COL8A1: variants seen among roughly 807,000 people sequenced by gnomAD.
COL8A1 encodes collagen type VIII alpha 1 chain, also known as collagen alpha-1(VIII) chain.
A neutral mutation model predicts 42.7 loss-of-function variants in COL8A1; 21 were observed. The observed-to-expected ratio is 0.49, with a 90% confidence interval of 0.35 to 0.71. The LOEUF (loss-of-function observed/expected upper bound fraction) is 0.71, where lower values mean the gene tolerates loss of function less well. Ranked by LOEUF, COL8A1 falls within the 30% of genes least tolerant of loss-of-function variation. The pLI, the probability that COL8A1 is intolerant of heterozygous loss-of-function variation, is 0.01. For missense variants in COL8A1, 788 were observed against 962.4 expected (o/e 0.82, Z 2.40); for synonymous variants, 367 against 369.1 (o/e 0.99, Z 0.06).
intron 1 of COL8A1, among the ~76,000 whole-genome samples, chr3:99,663,507 G>A (rs553541571): frequency 1.7e-4 from 26 of 152,206 alleles, no homozygotes; most frequent in African/African-American, 5.8e-4. Context: ...TAATCCAAGC[G>A]TTAGTGGCAG....
chr3:99,709,487 G>C (rs542769123), intron 1 of COL8A1, among the ~76,000 whole-genome samples: 1 of 152,062 alleles, frequency 6.6e-6, no homozygotes, highest in Admixed American at 6.6e-5. Context: ...GCTTACAGTT[G>C]GTGCTCAATA....
At chr3:99,750,514 G>GA (rs1228297245) in intron 2 of COL8A1, among the ~76,000 whole-genome samples, 10 of 152,174 alleles carry the variant, frequency 6.6e-5, no homozygotes, top group African/African-American at 1.9e-4. Flanking sequence ...TTGGTAAACA[G>GA]AAAAAATATT....
intron 2 of COL8A1, among the ~76,000 whole-genome samples, chr3:99,762,399 TA>T (rs548976718): frequency 6.6e-6 from 1 of 152,092 alleles, no homozygotes; most frequent in Non-Finnish European, 1.5e-5. Flanking sequence ...AACAAACTGC[TA>T]AAAAAAATTA....
chr3:99,710,833 A>G (rs1303760613), intron 1 of COL8A1, among the ~76,000 whole-genome samples: 2 of 152,216 alleles, frequency 1.3e-5, no homozygotes, highest in African/African-American at 4.8e-5. Context: ...TCCCAGGTCA[A>G]TGCTCCCTGC....
At position 99,795,845 on chromosome 3, in the gene COL8A1, G is replaced by T; in HGVS notation, c.1944G>T (p.Pro648=). 1 of 1,614,174 alleles carries T rather than the reference G, an allele frequency of 6.2e-7. No individual in the cohort carries two copies. Among genetic ancestry groups the T allele is most frequent in the South Asian group, 1.1e-5 (1 of 91,088 alleles). Residue 648 remains proline (P), a synonymous_variant, in exon 4 of 4, where the codon CCG becomes CCT. Coordinates refer to ENST00000652472, the MANE Select transcript of COL8A1 (RefSeq NM_020351.4). The part of the protein sequence containing the change: ...LLYNGRQNYN[P]QTGIFTCEVP... ...ATAACGGCAGACAGAACTACAACCC[G>T]CAGACAGGCATCTTCACCTGTGAGG...
Position 99,798,906 on chromosome 3 carries a change from A to G in COL8A1, c.*2770A>G, listed in dbSNP as rs1942148213. On this transcript the variant is annotated 3_prime_UTR_variant, in exon 4 of 4. Transcript: ENST00000652472. ...AGCAGATGAAACAACCACGTGTTCT[A>G]AAGTCTAGGGATTGTGCTATAATCC... 1 of 152,254 alleles carries G rather than the reference A, an allele frequency of 6.6e-6. No individual in the cohort carries two copies. Among genetic ancestry groups the G allele is most frequent in the South Asian group, 2.1e-4 (1 of 4,834 alleles). The allele number at this position is 152,254 out of a possible 1,614,324, so 9.4% of individuals were successfully genotyped here.
intron 1 of COL8A1, among the ~76,000 whole-genome samples, chr3:99,730,628 GA>G (rs1576452091): frequency 6.6e-6 from 1 of 152,084 alleles, no homozygotes; most frequent in Non-Finnish European, 1.5e-5. Context: ...AGTGTGAAAG[GA>G]AAGTCTTTTT....
chr3:99,708,862 AT>A (rs1227340748), intron 1 of COL8A1, among the ~76,000 whole-genome samples: 1 of 151,660 alleles, frequency 6.6e-6, no homozygotes, highest in Admixed American at 6.6e-5. Flanking sequence ...CTTTCTTTCT[AT>A]TTTTTTCTTT....
chr3:99,724,421 G>C (rs1021943366), intron 1 of COL8A1, among the ~76,000 whole-genome samples: 3 of 152,198 alleles, frequency 2.0e-5, no homozygotes, highest in South Asian at 2.1e-4. Context: ...TCTTGCTGGA[G>C]TTCTCAGCTC....
intron 2 of COL8A1, among the ~76,000 whole-genome samples, chr3:99,784,571 G>A (rs1251731491): frequency 6.6e-6 from 1 of 152,156 alleles, no homozygotes; most frequent in Non-Finnish European, 1.5e-5. Flanking sequence ...GCATGTTACT[G>A]TACTGAGTGC....
At chr3:99,751,503 A>G (rs792839) in intron 2 of COL8A1, among the ~76,000 whole-genome samples, 110,717 of 152,134 alleles carry the variant, frequency 0.73, 40,791 homozygotes, top group African/African-American at 0.86. Context: ...AGGTTGCAGT[A>G]AGCTGAGATC....
chr3:99,745,544 G>C (rs34218799), intron 2 of COL8A1, among the ~76,000 whole-genome samples: 33,679 of 151,842 alleles, frequency 0.22, 4,383 homozygotes, highest in African/African-American at 0.35. Context: ...CTTAATTGGG[G>C]CAACTTTTTT....
At chr3:99,788,765 T>C (rs964196559) in intron 2 of COL8A1, among the ~76,000 whole-genome samples, 1 of 152,246 alleles carries the variant, frequency 6.6e-6, no homozygotes, top group East Asian at 1.9e-4. Flanking sequence ...GTGTGTATAG[T>C]ATACTGCAAT....
chr3:99,783,004 C>T (rs1395771036), intron 2 of COL8A1, among the ~76,000 whole-genome samples: 1 of 146,826 alleles, frequency 6.8e-6, no homozygotes, highest in Admixed American at 6.8e-5. Context: ...GTTAGAGAAA[C>T]AAAAAAAAAA....
chr3:99,697,041 C>T (rs1000490946), intron 1 of COL8A1, among the ~76,000 whole-genome samples: 2 of 124,406 alleles, frequency 1.6e-5, no homozygotes, highest in African/African-American at 6.2e-5. Flanking sequence ...GGCTGGAGTG[C>T]AGTGGCGGGA....
At chr3:99,683,865 G>A (rs1393120009) in intron 1 of COL8A1, among the ~76,000 whole-genome samples, 2 of 152,110 alleles carry the variant, frequency 1.3e-5, no homozygotes, top group Non-Finnish European at 2.9e-5. Context: ...CCCAACAGAA[G>A]TGCTGTGACT....
At chr3:99,643,897 G>A (rs183071646) in intron 1 of COL8A1, among the ~76,000 whole-genome samples, 35 of 151,974 alleles carry the variant, frequency 2.3e-4, no homozygotes, top group Non-Finnish European at 4.4e-5. Flanking sequence ...TACCTTCCTC[G>A]GCCTCTAATG....
At chr3:99,735,274 A>G (rs568254528) in intron 1 of COL8A1, among the ~76,000 whole-genome samples, 4 of 133,746 alleles carry the variant, frequency 3.0e-5, no homozygotes, top group East Asian at 4.4e-4. Flanking sequence ...TCAGTATGAC[A>G]TTGGCTGTGG....
chr3:99,691,302 T>G (rs1025629036), intron 1 of COL8A1: 3 of 152,188 alleles, frequency 2.0e-5, no homozygotes, highest in Non-Finnish European at 4.4e-5. Context: ...GCAAGTGATA[T>G]TGTCATCAAA....
Sources: allele counts gnomAD v4.1 joint callset (sites outside exome capture counted in the v4.1 genomes callset), GRCh38; gene constraint gnomAD v4.1.1; transcripts MANE v1.5; gene names NCBI Gene and HGNC (gene_info 2026-07-23, HGNC 2026-07-21).